Variants in SLC7A11 observed in about 807,000 individuals in gnomAD.
SLC7A11 encodes cystine/glutamate transporter.
SLC7A11 carries 35 observed loss-of-function variants against 54.5 expected under a neutral mutation model. The ratio of observed to expected loss-of-function variants is 0.64; its 90% confidence interval spans 0.49 to 0.85. The LOEUF (loss-of-function observed/expected upper bound fraction) is 0.85, where lower values mean the gene tolerates loss of function less well. Among genes scored for constraint, SLC7A11 ranks in the 40% least tolerant of loss-of-function variants. The probability of loss-of-function intolerance (pLI) is 0.00; values close to 1 mark genes in which losing one functional copy is unlikely to be tolerated. For synonymous variants in SLC7A11, 230 were observed against 225.2 expected (o/e 1.02, Z -0.19); for missense variants, 583 against 618.1 (o/e 0.94, Z 0.60).
intron 6 of SLC7A11, among the ~76,000 whole-genome samples, chr4:138,199,058 G>A (rs1202418007): frequency 6.6e-6 from 1 of 152,066 alleles, no homozygotes; most frequent in African/African-American, 2.4e-5. Context: ...TAATGATACA[G>A]ACAAAGCCCT....
At chr4:138,201,905 A>G (rs1737294668) in intron 6 of SLC7A11, among the ~76,000 whole-genome samples, 1 of 152,184 alleles carries the variant, frequency 6.6e-6, no homozygotes, top group Non-Finnish European at 1.5e-5. Context: ...TTTGAAAGTC[A>G]TGACAAGGAT....
At chr4:138,230,599 T>C (rs1364968319) in intron 3 of SLC7A11, among the ~76,000 whole-genome samples, 1 of 152,140 alleles carries the variant, frequency 6.6e-6, no homozygotes, top group African/African-American at 2.4e-5. Context: ...CTAAGAATTG[T>C]AACACCAAGC....
rs1249923254 is a variant in SLC7A11, at chr4:138,167,310, C to T, written c.*4646G>A. 6.6e-6 allele frequency: 1 copy of T among 151,694 alleles called. No individual in the cohort carries two copies. Among genetic ancestry groups the T allele is most frequent in the African/African-American group, 2.4e-5 (1 of 41,312 alleles). 9.4% of individuals were successfully genotyped at this position (151,694 alleles called of 1,614,324 possible). A position where few individuals can be genotyped will look rare whatever the true frequency, so the allele number is the denominator to read the frequency against. On this transcript the variant is annotated 3_prime_UTR_variant, in exon 12 of 12. Coordinates refer to ENST00000280612, the MANE Select transcript of SLC7A11 (RefSeq NM_014331.4). ...GGGATTACAGGCGCCTGCCACCACG[C>T]CCGGCTAATTTTTATATTTTTAGTT...
chr4:138,197,321 A>G (rs974323814), intron 6 of SLC7A11, among the ~76,000 whole-genome samples: 4 of 152,174 alleles, frequency 2.6e-5, no homozygotes, highest in Non-Finnish European at 5.9e-5. Flanking sequence ...TATGTTGTTA[A>G]GAAGTATTCT....
chr4:138,218,843 A>C (rs1737738774), intron 5 of SLC7A11, among the ~76,000 whole-genome samples: 1 of 152,070 alleles, frequency 6.6e-6, no homozygotes, highest in Non-Finnish European at 1.5e-5. Context: ...TACTTCTCTC[A>C]CGAGAAGCTG....
intron 11 of SLC7A11, among the ~76,000 whole-genome samples, chr4:138,172,703 C>G (rs1736465041): frequency 6.6e-6 from 1 of 152,156 alleles, no homozygotes; most frequent in African/African-American, 2.4e-5. Flanking sequence ...GAAAGGCTGG[C>G]TCCAGTGTTC....
intron 11 of SLC7A11, 60 bp from the exon 12 acceptor site, chr4:138,172,077 C>G (rs890361360): frequency 6.7e-7 from 1 of 1,498,140 alleles, no homozygotes; most frequent in East Asian, 2.4e-5. Flanking sequence ...TTAAAAATAG[C>G]AAAATATGAA....
intron 3 of SLC7A11, among the ~76,000 whole-genome samples, chr4:138,225,880 G>A (rs561442883): frequency 6.6e-6 from 1 of 151,936 alleles, no homozygotes; most frequent in South Asian, 2.1e-4. Flanking sequence ...GGAGAGGAAA[G>A]GAGAAGGATA....
chr4:138,224,813 TG>T (rs1737898838), intron 3 of SLC7A11, among the ~76,000 whole-genome samples: 1 of 57,720 alleles, frequency 1.7e-5, no homozygotes, highest in Non-Finnish European at 3.4e-5. Flanking sequence ...GAAGGAAGGA[TG>T]AAAGGAAGGA....
chr4:138,174,676 C>T (rs1736524136), intron 11 of SLC7A11: 1 of 152,160 alleles, frequency 6.6e-6, no homozygotes, highest in Admixed American at 6.6e-5. Context: ...ATTCAACTGT[C>T]ATGTCTACAT....
At chr4:138,210,061 AC>A (rs1737510906) in intron 6 of SLC7A11, among the ~76,000 whole-genome samples, 1 of 152,022 alleles carries the variant, frequency 6.6e-6, no homozygotes, top group Admixed American at 6.6e-5. Flanking sequence ...AACTAATGGA[AC>A]AGGTTAAAGA....
chr4:138,209,106 G>A (rs1578654821), intron 6 of SLC7A11, among the ~76,000 whole-genome samples: 2 of 151,872 alleles, frequency 1.3e-5, no homozygotes, highest in African/African-American at 4.8e-5. Flanking sequence ...TTGAGATCAT[G>A]GAAACTTACT....
intron 1 of SLC7A11, among the ~76,000 whole-genome samples, chr4:138,240,489 C>T (rs987299856): frequency 3.3e-5 from 5 of 149,490 alleles, no homozygotes; most frequent in Admixed American, 1.3e-4. Context: ...ATTGCTTGAA[C>T]TTGGGAGGCG....
At chr4:138,234,433 G>A (rs1738155797) in intron 2 of SLC7A11, among the ~76,000 whole-genome samples, 1 of 152,002 alleles carries the variant, frequency 6.6e-6, no homozygotes, top group Admixed American at 6.5e-5. Context: ...TTGTTATTCT[G>A]CCTATTTAAA....
At chr4:138,213,474 C>A (rs148030828) in intron 6 of SLC7A11, among the ~76,000 whole-genome samples, 7 of 151,672 alleles carry the variant, frequency 4.6e-5, no homozygotes, top group African/African-American at 1.7e-4. Context: ...ACTGATGCAC[C>A]TTTGTACTTG....
rs923846920 is a variant in SLC7A11, at chr4:138,164,657, G to A, written c.*7299C>T. The A allele has an allele frequency of 6.6e-6, 1 of 152,032 alleles. No individual in the cohort carries two copies. 9.4% of individuals were successfully genotyped at this position (152,032 alleles called of 1,614,324 possible). A position where few individuals can be genotyped will look rare whatever the true frequency, so the allele number is the denominator to read the frequency against. ...CAATGTAAGACATTGTATTAAATTT[G>A]TATAAAATACACACAATCCCCTCTA... On this transcript the variant is annotated 3_prime_UTR_variant, in exon 12 of 12. Transcript: ENST00000280612.
At chr4:138,235,894 G>T (rs1042816828) in intron 2 of SLC7A11, among the ~76,000 whole-genome samples, 4 of 152,148 alleles carry the variant, frequency 2.6e-5, no homozygotes, top group African/African-American at 4.8e-5. Context: ...AAGTTGTGAG[G>T]CACAGAAGTG....
intron 5 of SLC7A11, 27 bp downstream of exon 5, chr4:138,219,238 AC>A: frequency 7.5e-7 from 1 of 1,324,634 alleles, no homozygotes; most frequent in Non-Finnish European, 1.1e-6. Context: ...AACTACGCAA[AC>A]CACCAGATCT....
chr4:138,207,526 G>A (rs1032613930), intron 6 of SLC7A11, among the ~76,000 whole-genome samples: 4 of 151,904 alleles, frequency 2.6e-5, no homozygotes, highest in Non-Finnish European at 5.9e-5. Context: ...TCAACATGGT[G>A]AAACCCCATT....
Sources: gnomAD v4.1 joint callset for allele counts (sites outside exome capture counted in the v4.1 genomes callset) on GRCh38, gnomAD v4.1.1 for gene constraint, MANE v1.5 for transcripts, NCBI Gene and HGNC (gene_info 2026-07-23, HGNC 2026-07-21) for gene names.